AP4E1: variants seen among roughly 807,000 people sequenced by gnomAD.
The protein encoded by AP4E1 is AP-4 complex subunit epsilon-1.
A neutral mutation model predicts 128.2 loss-of-function variants in AP4E1; 56 were observed. That is an observed-to-expected ratio of 0.44 (90% confidence interval 0.35 to 0.55). The LOEUF (loss-of-function observed/expected upper bound fraction) is 0.55, where lower values mean the gene tolerates loss of function less well. AP4E1 is among the 20% of genes least tolerant of loss of function. AP4E1 has a pLI of 0.00. For synonymous variants in AP4E1, 484 were observed against 473.1 expected (o/e 1.02, Z -0.30); for missense variants, 1,324 against 1,307.7 (o/e 1.01, Z -0.19).
chr15:50,981,575 G>A (rs1053565145), intron 15 of AP4E1, among the ~76,000 whole-genome samples: 1 of 152,184 alleles, frequency 6.6e-6, no homozygotes. Context: ...TTTGAGACTT[G>A]TAATGGAATG....
intron 3 of AP4E1, among the ~76,000 whole-genome samples, chr15:50,919,538 AT>A (rs1322646208): frequency 6.7e-4 from 14 of 20,932 alleles, no homozygotes; most frequent in Admixed American, 6.0e-3. Flanking sequence ...ATCTCAAAAA[AT>A]AAATAAATAA....
intron 4 of AP4E1, 33 bp from the exon 5 acceptor site, chr15:50,925,065 A>C: frequency 6.2e-7 from 1 of 1,613,106 alleles, no homozygotes; most frequent in Non-Finnish European, 8.5e-7. Flanking sequence ...CAGTATTTAC[A>C]CTAAATGTTT....
At position 50,998,859 on chromosome 15, in the gene AP4E1, A is replaced by C. The variant is rs17521919; in HGVS notation, c.2905-213A>C. On this transcript the variant is annotated intron_variant, in intron 18 of 20. Coordinates refer to ENST00000261842, the MANE Select transcript of AP4E1 (RefSeq NM_007347.5). ...TTTAACTGTAATGCCATTTGTTAACATAATTTTGACCTGTGTACAATTATT... is the reference window on the plus strand; with the variant it reads ...TTTAACTGTAATGCCATTTGTTAACCTAATTTTGACCTGTGTACAATTATT... 0.14 allele frequency among the ~76,000 whole-genome samples: 20,955 copies of C among 152,240 alleles called. 1,592 individuals carry two copies. Among genetic ancestry groups the C allele is most frequent in the South Asian group, 0.2 (948 of 4,826 alleles).
intron 5 of AP4E1, among the ~76,000 whole-genome samples, chr15:50,925,796 AT>A (rs34511684): frequency 0.43 from 61,103 of 141,330 alleles, 12,918 homozygotes; most frequent in East Asian, 0.59. Flanking sequence ...TGCCCGACTA[AT>A]TTTTTTTTTT....
chr15:50,958,425 A>T, intron 13 of AP4E1, 67 bp from the exon 14 acceptor site: 1 of 1,357,090 alleles, frequency 7.4e-7, no homozygotes, highest in Non-Finnish European at 1.0e-6. Context: ...TACTTTGTTT[A>T]GATTTTAGTA....
At chr15:50,929,564 A>G (rs764621938) in intron 6 of AP4E1, among the ~76,000 whole-genome samples, 1 of 152,056 alleles carries the variant, frequency 6.6e-6, no homozygotes, top group Non-Finnish European at 1.5e-5. Context: ...GACTCCATGT[A>G]TTAATTCTGT....
chr15:50,937,680 C>T (rs1382950236), intron 8 of AP4E1, among the ~76,000 whole-genome samples: 1 of 151,906 alleles, frequency 6.6e-6, no homozygotes, highest in East Asian at 1.9e-4. Context: ...GTGATAGGAC[C>T]CTGAAAGGTA....
intron 15 of AP4E1, among the ~76,000 whole-genome samples, chr15:50,974,706 C>T (rs1370663405): frequency 6.6e-6 from 1 of 152,124 alleles, no homozygotes; most frequent in African/African-American, 2.4e-5. Flanking sequence ...CTTTGATAAT[C>T]ACCATCCTGA....
intron 16 of AP4E1, among the ~76,000 whole-genome samples, chr15:50,987,562 C>G (rs995017824): frequency 5.3e-5 from 8 of 151,992 alleles, no homozygotes; most frequent in Admixed American, 1.3e-4. Flanking sequence ...CGTTATGTAC[C>G]CAGTAGTCAT....
intron 15 of AP4E1, among the ~76,000 whole-genome samples, chr15:50,982,250 A>G (rs1236068524): frequency 6.6e-6 from 1 of 152,136 alleles, no homozygotes; most frequent in Non-Finnish European, 1.5e-5. Flanking sequence ...TAAGCCAAGT[A>G]AATTTCTGTT....
chr15:50,908,979 C>T (rs758727248), intron 1 of AP4E1, 51 bp downstream of exon 1: 25 of 1,603,204 alleles, frequency 1.6e-5, no homozygotes, highest in Non-Finnish European at 2.0e-5. Flanking sequence ...GAGGCCCCCG[C>T]GCCAGGAGGC....
chr15:50,975,308 G>A (rs182765871), intron 15 of AP4E1, among the ~76,000 whole-genome samples: 77 of 152,314 alleles, frequency 5.1e-4, no homozygotes, highest in Non-Finnish European at 9.7e-4. Flanking sequence ...GAGAGGCTGA[G>A]GCAGGAGAAT....
At chr15:50,971,988 A>G (rs1158031371) in intron 15 of AP4E1, among the ~76,000 whole-genome samples, 1 of 151,664 alleles carries the variant, frequency 6.6e-6, no homozygotes. Context: ...GAAATTTATT[A>G]TTTTCCTTTG....
chr15:50,958,662 A>T lies in AP4E1; in HGVS notation c.1719A>T (p.Arg573Ser). Residue 573 changes from arginine to serine, a missense_variant, in exon 14 of 21, where the codon AGA (arginine) becomes AGT (serine). Coordinates refer to ENST00000261842, the MANE Select transcript of AP4E1 (RefSeq NM_007347.5). ...CGCACTCTTCTAATACAGTTGAGAG[A>T]TTAATCCATGAATTTACCATATCTT... Reference protein sequence around the residue: ...SQAHSSNTVERLIHEFTISLD... With the variant: ...SQAHSSNTVESLIHEFTISLD... The T allele has an allele frequency of 6.2e-7, 1 of 1,614,182 alleles. No homozygotes were observed. The highest frequency in any genetic ancestry group is 8.5e-7 in the Non-Finnish European group (1 of 1,180,008).
At chr15:50,915,968 C>A (rs1394402395) in intron 3 of AP4E1, 1 of 201,262 alleles carries the variant, frequency 5.0e-6, no homozygotes, top group African/African-American at 2.4e-5. Context: ...CTCTGTGTTG[C>A]CCAGGCTAGA....
chr15:50,935,335 C>T (rs900738163), intron 8 of AP4E1, among the ~76,000 whole-genome samples: 10 of 148,726 alleles, frequency 6.7e-5, no homozygotes, highest in African/African-American at 2.3e-4. Context: ...AATATATAGA[C>T]GTGGAATAAT....
chr15:50,997,517 T>A lies in AP4E1; in HGVS notation c.2538T>A (p.Phe846Leu). 6.2e-7 allele frequency: 1 copy of A among 1,614,074 alleles called. No individual in the cohort carries two copies. The change falls in exon 18 of 21, where the codon TTT becomes TTA. Residue 846 changes from phenylalanine to leucine, a missense_variant. By Grantham distance (22) the Phe-to-Leu change is conservative (BLOSUM62 0). Transcript: ENST00000261842. ...CAGGAGACAAGGAATTAAAGAAATTTTCTCTCACTTCAGAACTTTTGGATT... is the reference window on the plus strand; with the variant it reads ...CAGGAGACAAGGAATTAAAGAAATTATCTCTCACTTCAGAACTTTTGGATT... ...HDTGDKELKK[F>L]SLTSELLDSE...
intron 3 of AP4E1, among the ~76,000 whole-genome samples, chr15:50,918,850 G>A (rs983516352): frequency 2.0e-5 from 3 of 152,040 alleles, no homozygotes; most frequent in Admixed American, 1.3e-4. Context: ...TTGGGTGGAT[G>A]TACCATAGTT....
At chr15:50,948,615 A>G (rs1316371103) in intron 11 of AP4E1, among the ~76,000 whole-genome samples, 1 of 152,126 alleles carries the variant, frequency 6.6e-6, no homozygotes, top group Non-Finnish European at 1.5e-5. Context: ...ACTCTTCTTC[A>G]TGTTTGTTTC....
Sources: gnomAD v4.1 joint callset for allele counts (sites outside exome capture counted in the v4.1 genomes callset) on GRCh38, gnomAD v4.1.1 for gene constraint, MANE v1.5 for transcripts, NCBI Gene and HGNC (gene_info 2026-07-23, HGNC 2026-07-21) for gene names.